The following ZW10 variants were observed in gnomAD, a reference collection of about 807,000 sequenced individuals.
The protein encoded by ZW10 is centromere/kinetochore protein zw10 homolog.
Under a neutral mutation model 87.8 loss-of-function variants are expected in ZW10, and 53 were observed. The ratio of observed to expected loss-of-function variants is 0.60; its 90% CI spans 0.48 to 0.76. The LOEUF (loss-of-function observed/expected upper bound fraction) is 0.76, where lower values mean the gene tolerates loss of function less well. ZW10 is among the 30% of genes least tolerant of loss of function. The pLI, the probability that ZW10 is intolerant of heterozygous loss-of-function variation, is 0.00. For missense variants in ZW10, 837 were observed against 923.0 expected, an observed-to-expected ratio of 0.91 and a Z score of 1.21; for synonymous variants, 312 against 329.2, an observed-to-expected ratio of 0.95 and a Z score of 0.57.
intron 7 of ZW10, among the ~76,000 whole-genome samples, chr11:113,755,919 C>A (rs886297667): frequency 1.3e-5 from 2 of 152,130 alleles, no homozygotes; most frequent in Non-Finnish European, 2.9e-5. Context: ...AAGGTATGTA[C>A]ACTTTTTAGA....
At position 113,773,549 on chromosome 11, in the gene ZW10, G is replaced by A. The variant is rs746165294; in HGVS notation, c.105+13C>T. 1.2e-6 allele frequency: 2 copies of A among 1,609,282 alleles called. No homozygotes were observed. The highest frequency in any genetic ancestry group is 1.1e-5 in the South Asian group (1 of 90,992). ...GTCCCCTTCCAGTCAGCAGACAGCT[G>A]CCCCGCTCTCACCTTGATCTCCTCC... On this transcript the variant is annotated intron_variant, in intron 1 of 15. Coordinates refer to ENST00000200135, the MANE Select transcript of ZW10 (RefSeq NM_004724.4).
At chr11:113,741,262 G>A (rs947702251) in intron 11 of ZW10, among the ~76,000 whole-genome samples, 9 of 152,100 alleles carry the variant, frequency 5.9e-5, no homozygotes, top group Non-Finnish European at 1.2e-4. Context: ...TTACAAGTGT[G>A]AGCCACTGTG....
chr11:113,749,841 T>G (rs1020308198), intron 7 of ZW10, among the ~76,000 whole-genome samples: 1 of 152,246 alleles, frequency 6.6e-6, no homozygotes, highest in Non-Finnish European at 1.5e-5. Context: ...CAGGCACAAA[T>G]GTCATTTCTG....
chr11:113,769,108 G>A, intron 1 of ZW10, 141 bp from the exon 2 acceptor site: 1 of 767,294 alleles, frequency 1.3e-6, no homozygotes, highest in South Asian at 1.9e-5. Flanking sequence ...TTCCCTCCAA[G>A]CCAATGAGTT....
At chr11:113,758,370 G>GAAA (rs5794879) in intron 6 of ZW10, among the ~76,000 whole-genome samples, 184 bp downstream of exon 6, 2 of 143,874 alleles carry the variant, frequency 1.4e-5, no homozygotes. Context: ...AGGAACAGTT[G>GAAA]AAAAAAAAAA....
chr11:113,739,540 C>T (rs913711672), intron 11 of ZW10, among the ~76,000 whole-genome samples, 158 bp from the exon 12 acceptor site: 3 of 152,164 alleles, frequency 2.0e-5, no homozygotes, highest in Admixed American at 1.3e-4. Flanking sequence ...ACTCCCACTC[C>T]CAGAGGGAGG....
intron 12 of ZW10, 39 bp downstream of exon 12, chr11:113,739,174 A>G: frequency 6.2e-7 from 1 of 1,606,052 alleles, no homozygotes; most frequent in Non-Finnish European, 8.5e-7. Context: ...GACAAGCTGC[A>G]TAATCCATAT....
In ZW10 at chr11:113,758,645, G is replaced by T. The variant is rs772697565; in HGVS notation, c.642C>A (p.His214Gln). ...TELHLYTEQS[H>Q]KEEKTPMPPI... ...GTGGCATAGGGGTCTTCTCCTCTTT[G>T]TGCGATTGTTCAGTGTATAAATGAA... is the stretch of plus-strand genomic sequence containing the variant. The change falls in exon 6 of 16, where the codon CAC becomes CAA. Residue 214 changes from histidine to glutamine, a missense_variant. Physicochemically the swap from His to Gln is conservative, Grantham distance 24. Transcript: ENST00000200135. 5 of 1,614,082 alleles carry T rather than the reference G, an allele frequency of 3.1e-6. No individual in the cohort carries two copies. The highest frequency in any genetic ancestry group is 4.2e-6 in the Non-Finnish European group (5 of 1,179,986).
intron 7 of ZW10, among the ~76,000 whole-genome samples, chr11:113,753,922 G>A (rs1953757618): frequency 1.3e-5 from 2 of 152,204 alleles, no homozygotes; most frequent in South Asian, 4.1e-4. Context: ...AAAGCTCAAG[G>A]TGAAGCAGCA....
At chr11:113,768,031 G>T (rs17613893) in intron 2 of ZW10, among the ~76,000 whole-genome samples, 11,838 of 152,070 alleles carry the variant, frequency 0.078, 567 homozygotes, top group African/African-American at 0.13. Context: ...TATTGCTGTG[G>T]CACACTATTA....
intron 15 of ZW10, 74 bp downstream of exon 15, chr11:113,736,546 C>A: frequency 6.8e-7 from 1 of 1,480,110 alleles, no homozygotes; most frequent in East Asian, 2.3e-5. Flanking sequence ...AGGGAAAAGC[C>A]CTGCTATCAA....
chr11:113,757,544 C>T, intron 7 of ZW10, 118 bp downstream of exon 7: 1 of 837,806 alleles, frequency 1.2e-6, no homozygotes, highest in Non-Finnish European at 1.7e-6. Context: ...GCACAATTTA[C>T]TTACTTTTCA....
chr11:113,739,737 T>A (rs1366298349), intron 11 of ZW10, among the ~76,000 whole-genome samples: 6 of 152,220 alleles, frequency 3.9e-5, no homozygotes, highest in Non-Finnish European at 7.4e-5. Context: ...TTACTTCACC[T>A]TTCTCCAAAT....
chr11:113,758,290 T>C (rs1021676822), intron 6 of ZW10, among the ~76,000 whole-genome samples: 1 of 152,000 alleles, frequency 6.6e-6, no homozygotes, highest in Non-Finnish European at 1.5e-5. Flanking sequence ...CGGTGCAGGT[T>C]TTACCACTGA....
intron 1 of ZW10, 92 bp from the exon 2 acceptor site, chr11:113,769,059 T>G: frequency 7.3e-7 from 1 of 1,370,810 alleles, no homozygotes; most frequent in South Asian, 1.3e-5. Context: ...GCATTTTCCA[T>G]GTTAGAACCT....
intron 15 of ZW10, among the ~76,000 whole-genome samples, chr11:113,736,109 TAATAA>T (rs1046655513): frequency 3.3e-5 from 5 of 151,562 alleles, no homozygotes; most frequent in Admixed American, 6.6e-5. Context: ...ATAAATAAAA[TAATAA>T]AATAAAATAA....
At chr11:113,763,753 A>G (rs1403745807) in intron 2 of ZW10, among the ~76,000 whole-genome samples, 1 of 152,086 alleles carries the variant, frequency 6.6e-6, no homozygotes, top group African/African-American at 2.4e-5. Flanking sequence ...TAAATTCTGG[A>G]TATTAGACCT....
At chr11:113,762,992 CCATCCTCTTAA>C (rs891243035) in intron 2 of ZW10, among the ~76,000 whole-genome samples, 2 of 152,024 alleles carry the variant, frequency 1.3e-5, no homozygotes, top group African/African-American at 4.8e-5. Flanking sequence ...ACCTATTAAC[CCATCCTCTTAA>C]GTTCCCTCCC....
intron 7 of ZW10, among the ~76,000 whole-genome samples, 190 bp downstream of exon 7, chr11:113,757,472 C>T (rs1953802413): frequency 6.6e-6 from 1 of 152,158 alleles, no homozygotes; most frequent in South Asian, 2.1e-4. Flanking sequence ...CTTGTCAATA[C>T]AATGCAGAGA....
Sources: allele counts gnomAD v4.1 joint callset (sites outside exome capture counted in the v4.1 genomes callset), GRCh38; gene constraint gnomAD v4.1.1; transcripts MANE v1.5; gene names NCBI Gene and HGNC (gene_info 2026-07-23, HGNC 2026-07-21).